The following CEP44 variants were observed in gnomAD, a reference collection of about 807,000 sequenced individuals.
CEP44 encodes centrosomal protein 44.
A neutral mutation model predicts 46.7 loss-of-function variants in CEP44; 45 were observed. The ratio of observed to expected loss-of-function variants is 0.96; its 90% CI spans 0.76 to 1.24. The LOEUF (loss-of-function observed/expected upper bound fraction) is 1.24, where lower values mean the gene tolerates loss of function less well. Among genes scored for constraint, CEP44 ranks in the 50% most tolerant of loss-of-function variants. CEP44 has a pLI of 0.00. For missense variants in CEP44, 475 were observed against 459.7 expected, an observed-to-expected ratio of 1.03 and a Z score of -0.30; for synonymous variants, 142 against 146.0, an observed-to-expected ratio of 0.97 and a Z score of 0.20.
chr4:174,293,216 A>G (rs941530421), intron 1 of CEP44, among the ~76,000 whole-genome samples: 6 of 152,242 alleles, frequency 3.9e-5, no homozygotes, highest in Admixed American at 1.3e-4. Context: ...GACCTTGGAC[A>G]GGTGAGTTGA....
chr4:174,316,129 A>G lies in CEP44; in HGVS notation c.962-37A>G, dbSNP rs183206249. 7.5e-6 allele frequency: 12 copies of G among 1,598,296 alleles called. No individual in the cohort carries two copies. The East Asian group carries it at 1.1e-4, about 15-fold the overall frequency. ...TTTTTAGATATTTGACTCTTCTGTG[A>G]AAGGAAAAGGTAATCTAAAACTTAA... On this transcript the variant is annotated intron_variant, in intron 9 of 11. Coordinates refer to ENST00000503780, the MANE Select transcript of CEP44 (RefSeq NM_001040157.3).
chr4:174,299,444 T>G (rs1024093358), intron 3 of CEP44, among the ~76,000 whole-genome samples: 3 of 152,214 alleles, frequency 2.0e-5, no homozygotes, highest in Non-Finnish European at 4.4e-5. Flanking sequence ...ACAGTATTTA[T>G]CTGTATAAGT....
chr4:174,310,142 G>A lies in CEP44; in HGVS notation c.885+86G>A, dbSNP rs954042475. On this transcript the variant is annotated intron_variant, in intron 8 of 11. Coordinates refer to ENST00000503780, the MANE Select transcript of CEP44 (RefSeq NM_001040157.3). The surrounding 1 kb of genome is among the most constrained non-coding windows in gnomAD (Gnocchi z 4.2). ...GTTATATGTGTATTTTTTTGGAAAT[G>A]CTAAATATGAGAATATTTGAATAAT... The A allele has an allele frequency of 3.0e-5, 36 of 1,199,548 alleles. No homozygotes were observed. The highest frequency in any genetic ancestry group is 3.6e-5 in the Non-Finnish European group (31 of 864,810). 74.3% of individuals were successfully genotyped at this position (1,199,548 alleles called of 1,614,324 possible). A position where few individuals can be genotyped will look rare whatever the true frequency, so the allele number is the denominator to read the frequency against.
chr4:174,298,411 C>G (rs1967245), intron 2 of CEP44, among the ~76,000 whole-genome samples: 27,100 of 151,484 alleles, frequency 0.18, 2,939 homozygotes, highest in East Asian at 0.58. Flanking sequence ...TCCTGACCTC[C>G]TGATCCGCCC....
intron 1 of CEP44, among the ~76,000 whole-genome samples, chr4:174,285,901 C>G (rs1466529169): frequency 6.6e-6 from 1 of 152,168 alleles, no homozygotes; most frequent in Non-Finnish European, 1.5e-5. Context: ...CCATCTACCC[C>G]CAGTCAGTCT....
At chr4:174,302,279 A>G (rs1291657415) in intron 4 of CEP44, 93 bp downstream of exon 4, 2 of 744,628 alleles carry the variant, frequency 2.7e-6, no homozygotes, top group Non-Finnish European at 4.4e-6. Context: ...TATGCAGCAT[A>G]TACAATTGAC....
rs1171353447 is a variant in CEP44, at chr4:174,290,811, A to T, written c.-148+6868A>T. Among the ~76,000 whole-genome samples the T allele has an allele frequency of 1.3e-5, 2 of 152,200 alleles. No individual in the cohort carries two copies. Among genetic ancestry groups the T allele is most frequent in the Non-Finnish European group, 2.9e-5 (2 of 68,032 alleles). On this transcript the variant is annotated intron_variant, in intron 1 of 11. Transcript: ENST00000503780. The surrounding 1 kb of genome is among the most constrained non-coding windows in gnomAD (Gnocchi z 4.3). ...CTTCAAATCTGTCAATGTTCACTGTATATTTTAAGGTGCTTTGATGTTGGG... is the reference window on the plus strand; with the variant it reads ...CTTCAAATCTGTCAATGTTCACTGTTTATTTTAAGGTGCTTTGATGTTGGG...
At chr4:174,298,606 G>A (rs1739352943) in intron 2 of CEP44, among the ~76,000 whole-genome samples, 2 of 152,102 alleles carry the variant, frequency 1.3e-5, no homozygotes, top group Admixed American at 1.3e-4. Context: ...TTTTAGGAAA[G>A]GTATCTTTTT....
At chr4:174,324,535 G>A (rs188347822), downstream of CEP44, among the ~76,000 whole-genome samples, 190 of 152,282 alleles carry the variant, frequency 1.2e-3, no homozygotes, top group Non-Finnish European at 2.1e-3. Context: ...CAGTTGCTCA[G>A]CATCCATACC....
Position 174,326,186 on chromosome 4 carries a change from A to AT in CEP44, c.1087-5289dup, listed in dbSNP as rs1478125291. ...CACTGGATATTTTTTAATGTTTTTT[A>AT]TTTTTTTCTTGGCTTATGAAGTATC... On this transcript the variant is annotated intron_variant, in intron 8 of 8. Coordinates refer to the CEP44 transcript ENST00000426172. The surrounding 1 kb of genome is among the most constrained non-coding windows in gnomAD (Gnocchi z 4.8). Among the ~76,000 whole-genome samples the AT allele has an allele frequency of 6.8e-6, 1 of 146,184 alleles. No individual in the cohort carries two copies. Among genetic ancestry groups the AT allele is most frequent in the South Asian group, 2.2e-4 (1 of 4,632 alleles).
rs1242845266 is a variant in CEP44, at chr4:174,326,786, T to A, written c.1087-4696T>A. On this transcript the variant is annotated intron_variant, in intron 8 of 8. Coordinates refer to the CEP44 transcript ENST00000426172. The surrounding 1 kb of genome is among the most constrained non-coding windows in gnomAD (Gnocchi z 4.8). Reference sequence around the variant, plus strand: ...AGGGATTTTTGGTTTTTTTGTTTGTTGTTTTTCATTCTTTTCAGTAATTTA... The same window carrying A: ...AGGGATTTTTGGTTTTTTTGTTTGTAGTTTTTCATTCTTTTCAGTAATTTA... 1.3e-4 allele frequency among the ~76,000 whole-genome samples: 20 copies of A among 152,026 alleles called. No homozygotes were observed. The highest frequency in any genetic ancestry group is 1.0e-4 in the Non-Finnish European group (7 of 67,940).
chr4:174,323,311 C>A (rs889604946), downstream of CEP44, among the ~76,000 whole-genome samples: 1 of 150,312 alleles, frequency 6.7e-6, no homozygotes, highest in Non-Finnish European at 1.5e-5. Context: ...GTTTTCCCCC[C>A]TCATGTTTCT....
chr4:174,297,977 G>T lies in CEP44; in HGVS notation c.-136G>T, dbSNP rs1002453528. Reference sequence around the variant, plus strand: ...CCTTTGTCTTTCAGAAGCATCAAGTGTACCTGATTTGTGAACCTATCTTGC... The same window carrying T: ...CCTTTGTCTTTCAGAAGCATCAAGTTTACCTGATTTGTGAACCTATCTTGC... On this transcript the variant is annotated 5_prime_UTR_variant, in exon 2 of 12. Transcript: ENST00000503780. This position sits in a 1 kb window ranked among gnomAD's most constrained non-coding sequence, Gnocchi z 4.3. 6.6e-6 allele frequency: 1 copy of T among 152,212 alleles called. No homozygotes were observed. The highest frequency in any genetic ancestry group is 2.4e-5 in the African/African-American group (1 of 41,404). 9.4% of individuals were successfully genotyped at this position (152,212 alleles called of 1,614,324 possible). A position where few individuals can be genotyped will look rare whatever the true frequency, so the allele number is the denominator to read the frequency against.
At chr4:174,320,921 G>A (rs1039693450), downstream of CEP44, among the ~76,000 whole-genome samples, 2 of 152,104 alleles carry the variant, frequency 1.3e-5, no homozygotes, top group South Asian at 2.1e-4. Flanking sequence ...CATAGTAAGA[G>A]TGACTTGAAT....
Position 174,319,030 on chromosome 4 carries a change from A to G in CEP44, c.*1647A>G, listed in dbSNP as rs1239755187. On this transcript the variant is annotated 3_prime_UTR_variant, in exon 12 of 12. Coordinates refer to ENST00000503780, the MANE Select transcript of CEP44 (RefSeq NM_001040157.3). ...CACCATGTTGCCCAGTCTGTTCTCAAACTCGTGAGCTAAAGCTACTCGCCC... is the reference window on the plus strand; with the variant it reads ...CACCATGTTGCCCAGTCTGTTCTCAGACTCGTGAGCTAAAGCTACTCGCCC... 1.0e-5 allele frequency: 5 copies of G among 493,736 alleles called. No homozygotes were observed. In the African/African-American group the frequency reaches 1.1e-4, roughly 10 times the overall value. 30.6% of individuals were successfully genotyped at this position (493,736 alleles called of 1,614,324 possible).
At chr4:174,323,667 A>C (rs1271163118), downstream of CEP44, among the ~76,000 whole-genome samples, 1 of 152,116 alleles carries the variant, frequency 6.6e-6, no homozygotes, top group Non-Finnish European at 1.5e-5. Flanking sequence ...AGGAAAAGTG[A>C]GGTAATTGCT....
At position 174,310,796 on chromosome 4, in the gene CEP44, T is replaced by C. The variant is rs1740992539; in HGVS notation, c.899T>C (p.Ile300Thr). 1.4e-6 allele frequency: 2 copies of C among 1,466,164 alleles called. No homozygotes were observed. Among genetic ancestry groups the C allele is most frequent in the East Asian group, 4.6e-5 (2 of 43,232 alleles). 90.8% of individuals were successfully genotyped at this position (1,466,164 alleles called of 1,614,324 possible). Residue 300 changes from isoleucine to threonine, a missense_variant, in exon 9 of 12, where the codon ATA becomes ACA. Ile to Thr is a moderately conservative substitution (Grantham distance 89, BLOSUM62 -1). Coordinates refer to ENST00000503780, the MANE Select transcript of CEP44 (RefSeq NM_001040157.3). This position sits in a 1 kb window ranked among gnomAD's most constrained non-coding sequence, Gnocchi z 4.2. ...MLLSKKNDEF[I>T]EFNEVSEDYA... ...GTGTTATTCCAGAATGATGAATTTATAGAGTTTAATGAAGTTAGTGAAGAC... is the reference window on the plus strand; with the variant it reads ...GTGTTATTCCAGAATGATGAATTTACAGAGTTTAATGAAGTTAGTGAAGAC...
intron 8 of CEP44, among the ~76,000 whole-genome samples, chr4:174,330,317 C>T (rs575855839): frequency 1.1e-3 from 162 of 152,064 alleles, no homozygotes; most frequent in African/African-American, 3.7e-3. Context: ...GGCGAAACCC[C>T]GTCTCTACTA....
chr4:174,320,988 C>A (rs1742280260), downstream of CEP44, among the ~76,000 whole-genome samples: 1 of 151,644 alleles, frequency 6.6e-6, no homozygotes, highest in African/African-American at 2.4e-5. Flanking sequence ...TGTAGTACTT[C>A]CAGTTTAAGG....
Sources: gnomAD v4.1 joint callset for allele counts (sites outside exome capture counted in the v4.1 genomes callset) on GRCh38, gnomAD v4.1.1 for gene constraint, Gnocchi (gnomAD v3.1) non-coding constraint, MANE v1.5 for transcripts, NCBI Gene and HGNC (gene_info 2026-07-23, HGNC 2026-07-21) for gene names.